The following STK35 variants were observed in gnomAD, a reference collection of about 807,000 sequenced individuals.
The protein encoded by STK35 is serine/threonine kinase 35.
STK35 carries 17 observed loss-of-function variants against 37.3 expected under a neutral mutation model. That is an observed-to-expected ratio of 0.46 (90% confidence interval 0.31 to 0.68). The LOEUF is 0.68. Among genes scored for constraint, STK35 ranks in the 30% least tolerant of loss-of-function variants. STK35 has a pLI of 0.05. For synonymous variants in STK35, 385 were observed against 319.1 expected (o/e 1.21, Z -2.20); for missense variants, 595 against 746.7 (o/e 0.80, Z 2.37).
chr20:2,101,969 G>A lies in STK35; in HGVS notation c.88G>A (p.Glu30Lys). The stretch of plus-strand genomic sequence containing the variant: ...GTTATGTAAAGGGCTCAGCTGGCGC[G>A]AACACGTGGAAAGCCACGGGAGCCT... ...KRLCKGLSWR[E>K]HVESHGSLGA... Residue 30 changes from glutamate to lysine, a missense_variant, in exon 1 of 4, where the codon GAA (glutamate) becomes AAA (lysine). Physicochemically the swap from Glu to Lys is moderately conservative, Grantham distance 56. Transcript: ENST00000381482. The A allele has an allele frequency of 6.6e-7, 1 of 1,522,988 alleles. No individual in the cohort carries two copies. Among genetic ancestry groups the A allele is most frequent in the East Asian group, 2.5e-5 (1 of 40,372 alleles). The allele number at this position is 1,522,988 out of a possible 1,614,324, so 94.3% of individuals were successfully genotyped here. A position where few individuals can be genotyped will look rare whatever the true frequency, so the allele number is the denominator to read the frequency against.
chr20:2,108,934 C>T (rs1985567188), intron 2 of STK35, among the ~76,000 whole-genome samples: 1 of 152,190 alleles, frequency 6.6e-6, no homozygotes, highest in African/African-American at 2.4e-5. Flanking sequence ...GGATCCTGAC[C>T]TAGTTGTCTT....
chr20:2,124,800 C>T (rs767720894), intron 3 of STK35, among the ~76,000 whole-genome samples: 2 of 152,178 alleles, frequency 1.3e-5, no homozygotes, highest in Non-Finnish European at 1.5e-5. Context: ...CTTGGGGCCT[C>T]ATCTCTCTGC....
chr20:2,119,228 G>A (rs6046894), intron 3 of STK35, among the ~76,000 whole-genome samples: 1 of 152,218 alleles, frequency 6.6e-6, no homozygotes. Context: ...GAGGTATTCA[G>A]GGAAATTGAC....
intron 2 of STK35, among the ~76,000 whole-genome samples, chr20:2,108,883 T>C (rs1009460338): frequency 5.9e-5 from 9 of 152,212 alleles, no homozygotes; most frequent in African/African-American, 2.2e-4. Flanking sequence ...TTTGCTGGTA[T>C]CTGTAGGGCT....
Position 2,116,671 on chromosome 20 carries a change from A to G in STK35, c.898A>G (p.Arg300Gly), listed in dbSNP as rs1464306101. Residue 300 changes from arginine (R) to glycine (G), a missense_variant, in exon 3 of 4, where the codon AGG (arginine) becomes GGG (glycine). By Grantham distance (125) the Arg-to-Gly change is moderately radical (BLOSUM62 -2). Around this residue, in one of 3 missense-constraint regions of STK35, gnomAD observed 97 missense variants for 146.4 expected, o/e 0.66. Coordinates refer to ENST00000381482, the MANE Select transcript of STK35 (RefSeq NM_080836.4). ...TCCTGTCTTCTTTGATTTAGGAGAA[A>G]GGATCCTGGGTTATGCTGAGGAGCC... ...RLVETSLKGE[R>G]ILGYAEEPCY... The G allele has an allele frequency of 1.2e-6, 2 of 1,608,708 alleles. No homozygotes were observed. Among genetic ancestry groups the G allele is most frequent in the Admixed American group, 3.4e-5 (2 of 59,406 alleles).
chr20:2,143,886 C>T lies in STK35; in HGVS notation c.*140C>T, dbSNP rs749887728. On this transcript the variant is annotated 3_prime_UTR_variant, in exon 4 of 4. Coordinates refer to ENST00000381482, the MANE Select transcript of STK35 (RefSeq NM_080836.4). Reference sequence around the variant, plus strand: ...TTGGCGATCTCCCGACAGCTGGATCCGGCAATGTGAAGCTTTTGTTTGGGT... The same window carrying T: ...TTGGCGATCTCCCGACAGCTGGATCTGGCAATGTGAAGCTTTTGTTTGGGT... The T allele has an allele frequency of 4.5e-5, 20 of 449,346 alleles. No individual in the cohort carries two copies. Among genetic ancestry groups the T allele is most frequent in the South Asian group, 6.4e-5 (4 of 62,574 alleles). The allele number at this position is 449,346 out of a possible 1,614,324, so 27.8% of individuals were successfully genotyped here.
At chr20:2,124,958 T>TA (rs2122565183) in intron 3 of STK35, among the ~76,000 whole-genome samples, 1 of 152,314 alleles carries the variant, frequency 6.6e-6, no homozygotes, top group South Asian at 2.1e-4. Context: ...AGCTGTCAGT[T>TA]ATGTAATGGG....
At position 2,117,646 on chromosome 20, in the gene STK35, T is replaced by C. The variant is rs1985740954; in HGVS notation, c.*37+231T>C. Among the ~76,000 whole-genome samples, 2 of 152,176 alleles carry C rather than the reference T, an allele frequency of 1.3e-5. No individual in the cohort carries two copies. The highest frequency in any genetic ancestry group is 2.1e-4 in the South Asian group (1 of 4,824). ...TTTTAGTAGAGACGGAGTTTCACCA[T>C]GTTGGCTAGGCTGGTCTCAAACTTC... On this transcript the variant is annotated intron_variant, in intron 3 of 3. Transcript: ENST00000381482. The surrounding 1 kb of genome is among the most constrained non-coding windows in gnomAD (Gnocchi z 4.4).
intron 2 of STK35, among the ~76,000 whole-genome samples, chr20:2,104,259 G>A (rs1239158333): frequency 2.0e-5 from 3 of 152,170 alleles, no homozygotes; most frequent in African/African-American, 7.2e-5. Context: ...AGAGGAGAGA[G>A]GCGGTAGAAA....
chr20:2,133,401 G>A (rs563006417), intron 3 of STK35, among the ~76,000 whole-genome samples: 48 of 152,288 alleles, frequency 3.2e-4, no homozygotes, highest in Admixed American at 3.1e-3. Context: ...TTTATTTTCT[G>A]CCCCACACTT....
At chr20:2,107,294 C>G (rs1387994249) in intron 2 of STK35, among the ~76,000 whole-genome samples, 1 of 152,218 alleles carries the variant, frequency 6.6e-6, no homozygotes, top group African/African-American at 2.4e-5. Context: ...AGGACAAACT[C>G]TCAAGACTCA....
Position 2,116,773 on chromosome 20 carries a change from C to G in STK35, c.1000C>G (p.Pro334Ala). ...GTATGTCCTGTCCCGGAGGCCAGAC[C>G]CAGCCACCAACAAAAGTTTCATGCT... ...NQYVLSRRPD[P>A]ATNKSFMLQL... is the part of the protein sequence containing the mutation. The change falls in exon 3 of 4, where the codon CCA becomes GCA. Residue 334 changes from proline (P) to alanine (A), a missense_variant. Pro to Ala is a conservative substitution (Grantham distance 27, BLOSUM62 -1). Transcript: ENST00000381482. 2 of 1,614,110 alleles carry G rather than the reference C, an allele frequency of 1.2e-6. No homozygotes were observed. The highest frequency in any genetic ancestry group is 4.5e-5 in the East Asian group (2 of 44,868).
chr20:2,114,403 C>T (rs1444518241), intron 2 of STK35, among the ~76,000 whole-genome samples: 2 of 152,132 alleles, frequency 1.3e-5, no homozygotes, highest in African/African-American at 4.8e-5. Context: ...ATGGTCACAC[C>T]TCTGCACTCC....
intron 2 of STK35, among the ~76,000 whole-genome samples, chr20:2,108,752 CTTAA>C (rs1235028934): frequency 2.6e-5 from 4 of 152,184 alleles, no homozygotes; most frequent in African/African-American, 9.6e-5. Flanking sequence ...GCAGCCCTTC[CTTAA>C]TTGAGAGCTT....
At chr20:2,140,202 G>T (rs533820866) in intron 3 of STK35, among the ~76,000 whole-genome samples, 6 of 152,318 alleles carry the variant, frequency 3.9e-5, no homozygotes, top group South Asian at 4.1e-4. Context: ...TGCTTAGCAG[G>T]TGTGATTTTT....
At chr20:2,139,869 A>G (rs1478805038) in intron 3 of STK35, among the ~76,000 whole-genome samples, 2 of 132,510 alleles carry the variant, frequency 1.5e-5, no homozygotes, top group East Asian at 1.9e-4. Flanking sequence ...TGAGAAAGGT[A>G]AGGATTCATA....
At position 2,125,711 on chromosome 20, in the gene STK35, G is replaced by A. The variant is rs545237551; in HGVS notation, c.*37+8296G>A. Among the ~76,000 whole-genome samples the A allele has an allele frequency of 2.2e-3, 329 of 152,358 alleles. 4 individuals are homozygous for A. Among genetic ancestry groups the A allele is most frequent in the Middle Eastern group, 3.4e-3 (1 of 294 alleles). On this transcript the variant is annotated intron_variant, in intron 3 of 3. Transcript: ENST00000381482. ...CAGCCTGCATGTGGATTCCTCCTGT[G>A]TTACAATGACTGCCCCAAACATTGG... is the stretch of plus-strand genomic sequence containing the variant.
chr20:2,112,046 C>T (rs1985629048), intron 2 of STK35, among the ~76,000 whole-genome samples: 2 of 152,226 alleles, frequency 1.3e-5, no homozygotes, highest in Admixed American at 1.3e-4. Flanking sequence ...GGCAGGGATG[C>T]CCCTCAGCTC....
intron 3 of STK35, among the ~76,000 whole-genome samples, chr20:2,136,343 C>T (rs996129228): frequency 1.3e-5 from 2 of 152,220 alleles, no homozygotes; most frequent in African/African-American, 4.8e-5. Flanking sequence ...CCCTGCATGC[C>T]TCATTTCTCT....
Sources: allele counts gnomAD v4.1 joint callset (sites outside exome capture counted in the v4.1 genomes callset), GRCh38; gene constraint gnomAD v4.1.1; regional missense constraint gnomAD v4.1.1; non-coding constraint Gnocchi (gnomAD v3.1); transcripts MANE v1.5; gene names NCBI Gene and HGNC (gene_info 2026-07-23, HGNC 2026-07-21).